The following TRIM66 variants were observed in gnomAD, a reference collection of about 807,000 sequenced individuals.
TRIM66 encodes tripartite motif containing 66, also known as tripartite motif-containing protein 66.
TRIM66 carries 99 observed loss-of-function variants against 148.2 expected under a neutral mutation model. The observed-to-expected ratio is 0.67, with a 90% CI of 0.57 to 0.79. The LOEUF (loss-of-function observed/expected upper bound fraction) is 0.79. TRIM66 is among the 30% of genes least tolerant of loss of function. The pLI, the probability that TRIM66 is intolerant of heterozygous loss-of-function variation, is 0.00. For synonymous variants in TRIM66, 616 were observed against 635.9 expected (o/e 0.97, Z 0.47); for missense variants, 1,666 against 1,697.9 (o/e 0.98, Z 0.33).
chr11:8,620,547 G>T lies in TRIM66; in HGVS notation c.3571C>A (p.Arg1191Ser). The T allele has an allele frequency of 6.4e-7, 1 of 1,551,754 alleles. No individual in the cohort carries two copies. The highest frequency in any genetic ancestry group is 8.7e-7 in the Non-Finnish European group (1 of 1,147,026). The part of the protein sequence containing the change: ...PGGEWVCTLC[R>S]SLTQPEMEYD... The stretch of plus-strand genomic sequence containing the variant: ...TCCATCTCGGGCTGGGTCAGGCTGC[G>T]GCACAAGGTACACACCCACTCTCCC... Residue 1191 changes from arginine (R) to serine (S), a missense_variant, in exon 21 of 25, where the codon CGC (arginine) becomes AGC (serine). Physicochemically the swap from Arg to Ser is moderately radical, Grantham distance 110 (BLOSUM62 -1). Around this residue, in one of 3 missense-constraint regions of TRIM66, gnomAD observed 31 missense variants for 54.4 expected, o/e 0.57. Transcript: ENST00000646038.
chr11:8,639,985 G>A (rs771006166), intron 14 of TRIM66, among the ~76,000 whole-genome samples: 1 of 152,186 alleles, frequency 6.6e-6, no homozygotes, highest in Non-Finnish European at 1.5e-5. Context: ...ACAGGGCTAA[G>A]CCAAGCTACT....
intron 6 of TRIM66, among the ~76,000 whole-genome samples, chr11:8,659,099 G>A (rs2038070158): frequency 6.6e-6 from 1 of 151,956 alleles, no homozygotes; most frequent in South Asian, 2.1e-4. Context: ...CATTAGGATG[G>A]GGCAAGACTA....
At position 8,638,748 on chromosome 11, in the gene TRIM66, G is replaced by A. The variant is rs2036114657; in HGVS notation, c.2216C>T (p.Ala739Val). Reference sequence around the variant, plus strand: ...TTCCCCAGACGCCTGGGGCAAGGCAGCAGCAGTATTCTTGTCAAGAGGGAG... The same window carrying A: ...TTCCCCAGACGCCTGGGGCAAGGCAACAGCAGTATTCTTGTCAAGAGGGAG... ...PALPLDKNTA[A>V]ALPQASGEET... Residue 739 changes from alanine (A) to valine (V), a missense_variant, in exon 15 of 25, where the codon GCT (alanine) becomes GTT (valine). Coordinates refer to ENST00000646038, the MANE Select transcript of TRIM66 (RefSeq NM_001388022.1). The A allele has an allele frequency of 6.4e-7, 1 of 1,551,034 alleles. No individual in the cohort carries two copies. The highest frequency in any genetic ancestry group is 1.2e-5 in the South Asian group (1 of 84,006).
At chr11:8,672,937 CTT>C (rs35703499) in intron 4 of TRIM66, among the ~76,000 whole-genome samples, 2,979 of 111,746 alleles carry the variant, frequency 0.027, 128 homozygotes, top group African/African-American at 0.092. Flanking sequence ...GGCCCATACT[CTT>C]TTTTTTTTTT....
intron 21 of TRIM66, 26 bp downstream of exon 21, chr11:8,620,420 C>A (rs1283852378): frequency 5.8e-6 from 9 of 1,550,992 alleles, no homozygotes; most frequent in South Asian, 4.8e-5. Context: ...AGGCAGGGAA[C>A]CTTGTTTCCA....
In TRIM66 at chr11:8,682,025, G is replaced by C. The variant is rs562901897; in HGVS notation, c.-548+576C>G. Among the ~76,000 whole-genome samples the C allele has an allele frequency of 3.3e-5, 5 of 152,310 alleles. No homozygotes were observed. The East Asian group carries it at 9.6e-4, about 29-fold the overall frequency. The stretch of plus-strand genomic sequence containing the variant: ...AATCCTCCCGCCTCGACCTCCCAAA[G>C]TGTTGGGACTACAGGTGTGAGCCAC... On this transcript the variant is annotated intron_variant, in intron 1 of 24. Coordinates refer to ENST00000646038, the MANE Select transcript of TRIM66 (RefSeq NM_001388022.1).
In TRIM66 at chr11:8,613,878, G is replaced by C. The variant is rs2033555408; in HGVS notation, c.*4066C>G. On this transcript the variant is annotated 3_prime_UTR_variant, in exon 25 of 25. Transcript: ENST00000646038. ...GTGGAGGACAAAGATGGAGGCATGG[G>C]TGGGGAAAAAAAAAGGGATCACAAC... 1 of 151,878 alleles carries C rather than the reference G, an allele frequency of 6.6e-6. No individual in the cohort carries two copies. Among genetic ancestry groups the C allele is most frequent in the African/African-American group, 2.4e-5 (1 of 41,352 alleles). The allele number at this position is 151,878 out of a possible 1,614,324, so 9.4% of individuals were successfully genotyped here.
intron 10 of TRIM66, among the ~76,000 whole-genome samples, chr11:8,647,148 T>C (rs984454675): frequency 1.3e-5 from 2 of 151,294 alleles, no homozygotes; most frequent in African/African-American, 4.8e-5. Flanking sequence ...TGGCTTCTTT[T>C]TGGGGGGATG....
chr11:8,658,488 G>A (rs982445184), intron 6 of TRIM66, among the ~76,000 whole-genome samples: 4 of 152,134 alleles, frequency 2.6e-5, no homozygotes, highest in Non-Finnish European at 5.9e-5. Flanking sequence ...AACCTGCCCC[G>A]ATCCGGCAGC....
chr11:8,626,791 T>C (rs1457363067), intron 15 of TRIM66, among the ~76,000 whole-genome samples: 1 of 152,200 alleles, frequency 6.6e-6, no homozygotes, highest in Non-Finnish European at 1.5e-5. Context: ...CCTGATGACC[T>C]GTCCTCTGTC....
At chr11:8,666,090 A>T (rs189091561) in intron 6 of TRIM66, among the ~76,000 whole-genome samples, 27 of 152,198 alleles carry the variant, frequency 1.8e-4, no homozygotes, top group Non-Finnish European at 3.4e-4. Flanking sequence ...TAATTCTGGT[A>T]CTTTGGGAGG....
chr11:8,640,670 G>A lies in TRIM66; in HGVS notation c.1705C>T (p.His569Tyr). 1.9e-6 allele frequency: 3 copies of A among 1,551,666 alleles called. No homozygotes were observed. The highest frequency in any genetic ancestry group is 1.7e-6 in the Non-Finnish European group (2 of 1,146,984). The change falls in exon 14 of 25, where the codon CAT (histidine) becomes TAT (tyrosine). Residue 569 changes from histidine (H) to tyrosine (Y), a missense_variant. By Grantham distance (83) the His-to-Tyr change is moderately conservative. Transcript: ENST00000646038. The part of the protein sequence containing the change: ...VPPQDVQQGA[H>Y]AQPTLQTPSI... ...GGTGTCTGTAAGGTGGGCTGGGCAT[G>A]GGCTCCTTGCTGAACATCCTGTGGG...
chr11:8,630,414 C>T (rs1000619787), intron 15 of TRIM66, among the ~76,000 whole-genome samples: 1 of 152,244 alleles, frequency 6.6e-6, no homozygotes, highest in African/African-American at 2.4e-5. Context: ...GGTTTCTAGG[C>T]TGTCAACTGT....
chr11:8,629,300 T>C (rs1002220439), intron 15 of TRIM66, among the ~76,000 whole-genome samples: 2 of 152,246 alleles, frequency 1.3e-5, no homozygotes, highest in Non-Finnish European at 2.9e-5. Flanking sequence ...TCTAATCCTT[T>C]GCACTGGATT....
intron 12 of TRIM66, chr11:8,644,219 A>G (rs144537065): frequency 6.1e-6 from 2 of 325,952 alleles, no homozygotes; most frequent in Non-Finnish European, 1.2e-5. Flanking sequence ...TTCCCTCCCC[A>G]TCGCCAACTC....
At position 8,616,499 on chromosome 11, in the gene TRIM66, T is replaced by C. The variant is rs1242295498; in HGVS notation, c.*1445A>G. ...GTCAGGTTCATAGCTCCCCCAACAATATGAGCAATGGGTTCCTTCTCAACC... is the reference window on the plus strand; with the variant it reads ...GTCAGGTTCATAGCTCCCCCAACAACATGAGCAATGGGTTCCTTCTCAACC... On this transcript the variant is annotated 3_prime_UTR_variant, in exon 25 of 25. Transcript: ENST00000646038. 1 of 152,082 alleles carries C rather than the reference T, an allele frequency of 6.6e-6. No homozygotes were observed. Among genetic ancestry groups the C allele is most frequent in the Non-Finnish European group, 1.5e-5 (1 of 68,030 alleles). The allele number at this position is 152,082 out of a possible 1,614,324, so 9.4% of individuals were successfully genotyped here.
In TRIM66 at chr11:8,651,790, C is replaced by T; in HGVS notation, c.444+10G>A. On this transcript the variant is annotated intron_variant, in intron 7 of 24. Coordinates refer to ENST00000646038, the MANE Select transcript of TRIM66 (RefSeq NM_001388022.1). ...AAAGATCAGCTGCTTCTTTCCTTGTCCTGACTTACCCTGGCCATCTTGGGT... is the reference window on the plus strand; with the variant it reads ...AAAGATCAGCTGCTTCTTTCCTTGTTCTGACTTACCCTGGCCATCTTGGGT... 1 of 1,550,658 alleles carries T rather than the reference C, an allele frequency of 6.4e-7. No individual in the cohort carries two copies. The highest frequency in any genetic ancestry group is 8.7e-7 in the Non-Finnish European group (1 of 1,146,070).
At chr11:8,650,588 G>A (rs536541690) in intron 7 of TRIM66, among the ~76,000 whole-genome samples, 30 of 152,266 alleles carry the variant, frequency 2.0e-4, no homozygotes, top group African/African-American at 4.8e-4. Flanking sequence ...ACCCAGATGC[G>A]TAAGCCAAGG....
chr11:8,622,898 T>C (rs776284388), intron 17 of TRIM66, 22 bp from the exon 18 acceptor site: 6 of 1,549,682 alleles, frequency 3.9e-6, no homozygotes, highest in Middle Eastern at 1.7e-4. Context: ...GACAAACAAA[T>C]ACCTGTGACA....
Sources: gnomAD v4.1 joint callset for allele counts (sites outside exome capture counted in the v4.1 genomes callset) on GRCh38, gnomAD v4.1.1 for gene constraint, gnomAD v4.1.1 regional missense constraint, MANE v1.5 for transcripts, NCBI Gene and HGNC (gene_info 2026-07-23, HGNC 2026-07-21) for gene names.